Variants in LRRTM3 observed in about 807,000 individuals in gnomAD.
LRRTM3 encodes leucine-rich repeat transmembrane neuronal protein 3.
Under a neutral mutation model 44.7 loss-of-function variants are expected in LRRTM3, and 24 were observed. That is an observed-to-expected ratio of 0.54 (90% confidence interval 0.39 to 0.76). The LOEUF (loss-of-function observed/expected upper bound fraction) is 0.76. Among genes scored for constraint, LRRTM3 ranks in the 30% least tolerant of loss-of-function variants. The pLI is 0.00. For synonymous variants in LRRTM3, 277 were observed against 278.7 expected, an observed-to-expected ratio of 0.99 and a Z score of 0.06; for missense variants, 587 against 702.2, an observed-to-expected ratio of 0.84 and a Z score of 1.85.
intron 2 of LRRTM3, among the ~76,000 whole-genome samples, chr10:66,938,707 T>C (rs1337326451): frequency 1.3e-5 from 2 of 152,210 alleles, no homozygotes; most frequent in African/African-American, 4.8e-5. Flanking sequence ...GATCATGTTC[T>C]GATTTAAATT....
At chr10:67,059,500 A>C (rs1855634929) in intron 2 of LRRTM3, among the ~76,000 whole-genome samples, 1 of 152,234 alleles carries the variant, frequency 6.6e-6, no homozygotes, top group Non-Finnish European at 1.5e-5. Flanking sequence ...GTAATATGAA[A>C]TTTAGCCATA....
rs781161525 is a variant in LRRTM3, at chr10:66,927,675, C to A, written c.759C>A (p.Ser253Arg). 3 of 1,613,994 alleles carry A rather than the reference C, an allele frequency of 1.9e-6. No homozygotes were observed. Among genetic ancestry groups the A allele is most frequent in the Non-Finnish European group, 1.7e-6 (2 of 1,180,040 alleles). The change falls in exon 2 of 3, where the codon AGC becomes AGA. Residue 253 changes from serine to arginine, a missense_variant. This residue lies in a region of LRRTM3 where 222 missense variants were observed against 323.3 expected (regional missense o/e 0.69). Transcript: ENST00000361320. The surrounding 1 kb of genome is among the most constrained non-coding windows in gnomAD (Gnocchi z 4.7). The part of the protein sequence containing the change: ...VIGQTMSWTW[S>R]SLQRLDLSGN... ...GACAGACCATGTCCTGGACCTGGAG[C>A]TCCTTACAAAGGCTTGATTTATCAG...
chr10:67,037,140 C>G (rs1854109634), intron 2 of LRRTM3, among the ~76,000 whole-genome samples: 1 of 152,052 alleles, frequency 6.6e-6, no homozygotes, highest in Non-Finnish European at 1.5e-5. Flanking sequence ...TTACATTTGA[C>G]TCATTAAACA....
chr10:67,019,253 C>G (rs1230297546), intron 2 of LRRTM3, among the ~76,000 whole-genome samples: 1 of 152,140 alleles, frequency 6.6e-6, no homozygotes, highest in Admixed American at 6.5e-5. Context: ...TAGTCTCGCT[C>G]TGTTGCCCAG....
At chr10:66,964,945 TA>T (rs1240873004) in intron 2 of LRRTM3, among the ~76,000 whole-genome samples, 1 of 152,194 alleles carries the variant, frequency 6.6e-6, no homozygotes, top group Non-Finnish European at 1.5e-5. Context: ...CATTTTGGAA[TA>T]ATAGAAAATT....
At chr10:66,941,332 C>T (rs1286628391) in intron 2 of LRRTM3, among the ~76,000 whole-genome samples, 1 of 152,102 alleles carries the variant, frequency 6.6e-6, no homozygotes, top group African/African-American at 2.4e-5. Flanking sequence ...ATACATTTCT[C>T]GAGTGCATTT....
chr10:67,081,858 T>C (rs777286843), intron 2 of LRRTM3, among the ~76,000 whole-genome samples: 3 of 152,214 alleles, frequency 2.0e-5, no homozygotes, highest in Non-Finnish European at 2.9e-5. Flanking sequence ...TGCCCTCCTC[T>C]GGAGCCAGTA....
intron 2 of LRRTM3, among the ~76,000 whole-genome samples, chr10:66,987,544 C>G (rs1258215439): frequency 6.6e-6 from 1 of 152,124 alleles, no homozygotes; most frequent in African/African-American, 2.4e-5. Flanking sequence ...AAGAGAGGCT[C>G]ATCCAGTTGT....
At chr10:66,995,996 T>C (rs1221414577) in intron 2 of LRRTM3, among the ~76,000 whole-genome samples, 7 of 152,222 alleles carry the variant, frequency 4.6e-5, no homozygotes, top group Non-Finnish European at 7.3e-5. Context: ...CTTACTATTA[T>C]ATCCTACACA....
intron 2 of LRRTM3, among the ~76,000 whole-genome samples, chr10:66,970,509 G>A (rs1049274700): frequency 7.3e-6 from 1 of 137,746 alleles, no homozygotes; most frequent in African/African-American, 2.6e-5. Flanking sequence ...GGGTGGGGGG[G>A]GGATACAATT....
intron 2 of LRRTM3, among the ~76,000 whole-genome samples, chr10:66,982,741 G>A (rs1850512006): frequency 6.6e-6 from 1 of 152,162 alleles, no homozygotes; most frequent in Non-Finnish European, 1.5e-5. Flanking sequence ...AATAAAAGGT[G>A]AGAGAAAAGA....
At chr10:67,057,895 A>G (rs994654423) in intron 2 of LRRTM3, among the ~76,000 whole-genome samples, 1 of 152,172 alleles carries the variant, frequency 6.6e-6, no homozygotes, top group African/African-American at 2.4e-5. Flanking sequence ...ATCAGTTCTT[A>G]CAAAGAAGAC....
intron 2 of LRRTM3, among the ~76,000 whole-genome samples, chr10:67,055,386 A>G (rs1855361002): frequency 6.6e-6 from 1 of 152,188 alleles, no homozygotes; most frequent in African/African-American, 2.4e-5. Flanking sequence ...AGACACAGAA[A>G]GCAGTCATGG....
rs981500170 is a variant in LRRTM3 at position 67,071,499 on chromosome 10, T to A, written c.1537-26088T>A. Among the ~76,000 whole-genome samples the A allele has an allele frequency of 3.6e-5, 4 of 110,004 alleles. No individual in the cohort carries two copies. The East Asian group carries it at 9.9e-4, about 27-fold the overall frequency. The allele number at this position is 110,004 out of a possible 152,430, so 72.2% of individuals were successfully genotyped here. On this transcript the variant is annotated intron_variant, in intron 2 of 2. Transcript: ENST00000361320. Reference sequence around the variant, plus strand: ...TCTCAATCTTGTACTTAGAGCTCTTTAAAGTTTTTTTTGTTTGTTTGTTTC... The same window carrying A: ...TCTCAATCTTGTACTTAGAGCTCTTAAAAGTTTTTTTTGTTTGTTTGTTTC...
At chr10:66,957,501 C>T (rs1272978537) in intron 2 of LRRTM3, among the ~76,000 whole-genome samples, 1 of 147,742 alleles carries the variant, frequency 6.8e-6, no homozygotes, top group Non-Finnish European at 1.5e-5. Context: ...ACAAAGTTTT[C>T]TTGTACTCTT....
intron 2 of LRRTM3, among the ~76,000 whole-genome samples, chr10:66,995,580 TCC>T (rs1851281893): frequency 6.6e-6 from 1 of 152,184 alleles, no homozygotes; most frequent in African/African-American, 2.4e-5. Flanking sequence ...AAATTACAAA[TCC>T]TTAACATTAT....
Position 67,005,687 on chromosome 10 carries a change from T to TTTTTTTTTGTTTGTTTG in LRRTM3, c.1536+77243_1536+77244insGTTTGTTTGTTTTTTTT, listed in dbSNP as rs1554895949. ...TTTTGTTTATTTTACTCCATCTTTTTTTTTTTTTTTTTTTTTGAGACGGAG... is the reference window on the plus strand; with the variant it reads ...TTTTGTTTATTTTACTCCATCTTTTTTTTTTTTTGTTTGTTTGTTTTTTTTTTTTTTTTGAGACGGAG... On this transcript the variant is annotated intron_variant, in intron 2 of 2. Transcript: ENST00000361320. Among the ~76,000 whole-genome samples, 908 of 102,310 alleles carry TTTTTTTTTGTTTGTTTG rather than the reference T, an allele frequency of 8.9e-3. 42 individuals are homozygous for TTTTTTTTTGTTTGTTTG. The highest frequency in any genetic ancestry group is 0.026 in the African/African-American group (834 of 32,436). The allele number at this position is 102,310 out of a possible 152,430, so 67.1% of individuals were successfully genotyped here. A position where few individuals can be genotyped will look rare whatever the true frequency, so the allele number is the denominator to read the frequency against.
At chr10:66,930,321 C>T (rs1227993898) in intron 2 of LRRTM3, among the ~76,000 whole-genome samples, 1 of 152,188 alleles carries the variant, frequency 6.6e-6, no homozygotes, top group African/African-American at 2.4e-5. Context: ...CAAAAAGTCA[C>T]ATATTTCCAA....
chr10:67,068,197 T>C (rs1196539455), intron 2 of LRRTM3, among the ~76,000 whole-genome samples: 1 of 152,016 alleles, frequency 6.6e-6, no homozygotes, highest in East Asian at 1.9e-4. Flanking sequence ...TATATAATAT[T>C]AGAAAAGAAG....
Sources: gnomAD v4.1 joint callset for allele counts (sites outside exome capture counted in the v4.1 genomes callset) on GRCh38, gnomAD v4.1.1 for gene constraint, gnomAD v4.1.1 regional missense constraint, Gnocchi (gnomAD v3.1) non-coding constraint, MANE v1.5 for transcripts, NCBI Gene and HGNC (gene_info 2026-07-23, HGNC 2026-07-21) for gene names.